Variants in JARID2 observed in about 807,000 individuals in gnomAD.
The protein encoded by JARID2 is jumonji and AT-rich interaction domain containing 2, also known as protein Jumonji.
Under a neutral mutation model 125.6 loss-of-function variants are expected in JARID2, and 21 were observed. The observed-to-expected ratio is 0.17, with a 90% CI of 0.12 to 0.24. JARID2 has a LOEUF of 0.24. Among genes scored for constraint, JARID2 ranks in the 10% least tolerant of loss-of-function variants. The pLI is 1.00. For missense variants in JARID2, 1,303 were observed against 1,639.6 expected, an observed-to-expected ratio of 0.79 and a Z score of 3.55; for synonymous variants, 736 against 661.6, an observed-to-expected ratio of 1.11 and a Z score of -1.73.
chr6:15,364,150 G>T (rs1462425108), intron 1 of JARID2, among the ~76,000 whole-genome samples: 2 of 150,414 alleles, frequency 1.3e-5, no homozygotes, highest in Non-Finnish European at 3.0e-5. Context: ...AAAAGCCAGC[G>T]AGTCAGTCAG....
In JARID2 at chr6:15,520,976, G is replaced by C. The variant is rs1445211997; in HGVS notation, c.*725G>C. 2 of 257,136 alleles carry C rather than the reference G, an allele frequency of 7.8e-6. No homozygotes were observed. The highest frequency in any genetic ancestry group is 1.6e-5 in the Non-Finnish European group (2 of 123,352). The allele number at this position is 257,136 out of a possible 1,614,324, so 15.9% of individuals were successfully genotyped here. On this transcript the variant is annotated 3_prime_UTR_variant, in exon 18 of 18. Transcript: ENST00000341776. ...TGCCTTGGAGGGGTCACATGAGGGA[G>C]ACCTGTGCCTGATTTCATTAGGAAA...
chr6:15,293,825 A>G (rs1049218225), intron 1 of JARID2, among the ~76,000 whole-genome samples: 1 of 152,002 alleles, frequency 6.6e-6, no homozygotes, highest in African/African-American at 2.4e-5. Flanking sequence ...CATCTGGCCA[A>G]CTCCTCTGCT....
rs921614115 is a variant in JARID2 at position 15,410,215 on chromosome 6, C to T, written c.182-9C>T. On this transcript the variant is annotated splice_polypyrimidine_tract_variant and intron_variant, in intron 2 of 17. Transcript: ENST00000341776. ...TATTTAAGTGTTTGTCCCCTTTTCT[C>T]ACCTGTAGGGCTCCTTGGTAATGAC... is the stretch of plus-strand genomic sequence containing the variant. The T allele has an allele frequency of 1.9e-6, 3 of 1,611,898 alleles. No homozygotes were observed. The highest frequency in any genetic ancestry group is 2.5e-6 in the Non-Finnish European group (3 of 1,178,582).
intron 1 of JARID2, among the ~76,000 whole-genome samples, chr6:15,269,655 C>T (rs1581348253): frequency 6.6e-6 from 1 of 151,804 alleles, no homozygotes. Flanking sequence ...AATCATCCCA[C>T]CTCAGCCTCC....
At chr6:15,303,238 T>C in intron 1 of JARID2, among the ~76,000 whole-genome samples, 1 of 152,268 alleles carries the variant, frequency 6.6e-6, no homozygotes, top group East Asian at 1.9e-4. Context: ...GCATTCATCC[T>C]ATAGGTAGCG....
chr6:15,395,999 A>C (rs1035470899), intron 2 of JARID2, among the ~76,000 whole-genome samples: 5 of 152,312 alleles, frequency 3.3e-5, no homozygotes, highest in African/African-American at 1.2e-4. Flanking sequence ...TTTCTTCACT[A>C]TTCCTAAGTA....
chr6:15,432,167 G>A (rs1010440657), intron 3 of JARID2, among the ~76,000 whole-genome samples: 2 of 152,048 alleles, frequency 1.3e-5, no homozygotes, highest in African/African-American at 2.4e-5. Flanking sequence ...GGTGGCTCCC[G>A]TTTGCAATCC....
chr6:15,438,470 C>T (rs1042937055), intron 3 of JARID2, among the ~76,000 whole-genome samples: 7 of 152,144 alleles, frequency 4.6e-5, no homozygotes, highest in Non-Finnish European at 8.8e-5. Flanking sequence ...AATTGCAGAG[C>T]GTAGAAGGAT....
rs140174107 is a variant in JARID2, at chr6:15,271,093, T to C, written c.45+24509T>C. On this transcript the variant is annotated intron_variant, in intron 1 of 17. Coordinates refer to ENST00000341776, the MANE Select transcript of JARID2 (RefSeq NM_004973.4). Reference sequence around the variant, plus strand: ...GCTATGATTTTTGTCTTTCAGAAGTTTGTAGCCTTTCATTTTATTTCATTT... The same window carrying C: ...GCTATGATTTTTGTCTTTCAGAAGTCTGTAGCCTTTCATTTTATTTCATTT... Among the ~76,000 whole-genome samples the C allele has an allele frequency of 4.4e-3, 677 of 152,362 alleles. 8 individuals carry two copies. The Middle Eastern group carries it at 0.051, about 11-fold the overall frequency.
chr6:15,268,530 C>T (rs1270892754), intron 1 of JARID2, among the ~76,000 whole-genome samples: 1 of 152,114 alleles, frequency 6.6e-6, no homozygotes, highest in Non-Finnish European at 1.5e-5. Flanking sequence ...TATCCGAAAG[C>T]CTGGATGGAA....
At chr6:15,324,571 G>T (rs1210064588) in intron 1 of JARID2, 1 of 151,676 alleles carries the variant, frequency 6.6e-6, no homozygotes, top group Non-Finnish European at 1.5e-5. Flanking sequence ...CCGCCTTCTG[G>T]GTTCAAGCAG....
intron 4 of JARID2, among the ~76,000 whole-genome samples, chr6:15,452,755 T>C (rs933702865): frequency 1.3e-5 from 2 of 152,220 alleles, no homozygotes; most frequent in African/African-American, 2.4e-5. Context: ...TGAATAGAGT[T>C]ATTTGTGAAA....
chr6:15,377,255 G>A (rs1172831811), intron 2 of JARID2, among the ~76,000 whole-genome samples: 1 of 152,196 alleles, frequency 6.6e-6, no homozygotes, highest in Admixed American at 6.5e-5. Context: ...TCAGAGTCAT[G>A]GAGGGAGGTG....
intron 5 of JARID2, among the ~76,000 whole-genome samples, chr6:15,469,286 C>T (rs898735109): frequency 1.1e-5 from 1 of 87,608 alleles, no homozygotes; most frequent in Non-Finnish European, 2.3e-5. Flanking sequence ...GTCTCTCTGT[C>T]TCTGTCTCTC....
chr6:15,428,773 G>T (rs1166843075), intron 3 of JARID2, among the ~76,000 whole-genome samples: 7 of 152,024 alleles, frequency 4.6e-5, no homozygotes, highest in African/African-American at 1.7e-4. Context: ...GGGCCTGGTG[G>T]CACACACGTG....
At chr6:15,464,197 ACC>A (rs1263858232) in intron 4 of JARID2, among the ~76,000 whole-genome samples, 1 of 152,230 alleles carries the variant, frequency 6.6e-6, no homozygotes, top group Non-Finnish European at 1.5e-5. Context: ...CTTCATTTTT[ACC>A]AATTCTGTGG....
At chr6:15,443,268 T>C (rs1354533100) in intron 3 of JARID2, among the ~76,000 whole-genome samples, 4 of 152,158 alleles carry the variant, frequency 2.6e-5, no homozygotes, top group African/African-American at 9.7e-5. Context: ...AATATATTTT[T>C]AAGTAGTTAT....
At chr6:15,282,514 TTCTC>T (rs912287991) in intron 1 of JARID2, among the ~76,000 whole-genome samples, 3 of 152,062 alleles carry the variant, frequency 2.0e-5, no homozygotes, top group African/African-American at 4.8e-5. Flanking sequence ...GTTGGTTTCT[TTCTC>T]TCTCTCTTTT....
At chr6:15,392,780 G>A (rs1481428281) in intron 2 of JARID2, among the ~76,000 whole-genome samples, 1 of 150,964 alleles carries the variant, frequency 6.6e-6, no homozygotes, top group Non-Finnish European at 1.5e-5. Context: ...CACCTCCCAG[G>A]TTCAAGTAAT....
Sources: gnomAD v4.1 joint callset for allele counts (sites outside exome capture counted in the v4.1 genomes callset) on GRCh38, gnomAD v4.1.1 for gene constraint, MANE v1.5 for transcripts, NCBI Gene and HGNC (gene_info 2026-07-23, HGNC 2026-07-21) for gene names.